The following EPB41L4A variants were observed in gnomAD, a reference collection of about 807,000 sequenced individuals.
The protein encoded by EPB41L4A is band 4.1-like protein 4A.
Under a neutral mutation model 108.6 loss-of-function variants are expected in EPB41L4A, and 100 were observed. That is an observed-to-expected ratio of 0.92 (90% CI 0.78 to 1.09). The LOEUF (loss-of-function observed/expected upper bound fraction) is 1.09. EPB41L4A is among the 50% of genes least tolerant of loss of function. The pLI, the probability that EPB41L4A is intolerant of heterozygous loss-of-function variation, is 0.00. For missense variants in EPB41L4A, 1,030 were observed against 842.7 expected (o/e 1.22, Z -2.75); for synonymous variants, 319 against 289.0 (o/e 1.10, Z -1.05).
intron 13 of EPB41L4A, among the ~76,000 whole-genome samples, chr5:112,209,418 T>C (rs1161801338): frequency 2.0e-5 from 3 of 152,256 alleles, no homozygotes; most frequent in Non-Finnish European, 4.4e-5. Context: ...CAGAGGACCA[T>C]GACAAGTCTT....
intron 1 of EPB41L4A, among the ~76,000 whole-genome samples, chr5:112,406,272 C>T (rs1348629801): frequency 6.6e-6 from 1 of 152,168 alleles, no homozygotes; most frequent in Admixed American, 6.5e-5. Context: ...TACCTTTCTG[C>T]TTTCTTCTCT....
At chr5:112,192,046 C>G (rs972892559) in intron 17 of EPB41L4A, 1 of 152,288 alleles carries the variant, frequency 6.6e-6, no homozygotes, top group Non-Finnish European at 1.5e-5. Flanking sequence ...CTGCTGAGAA[C>G]TGGCTGGATC....
intron 1 of EPB41L4A, among the ~76,000 whole-genome samples, chr5:112,370,636 C>T (rs895811700): frequency 6.6e-6 from 1 of 152,134 alleles, no homozygotes; most frequent in African/African-American, 2.4e-5. Flanking sequence ...GTAACGAGGC[C>T]GGACACGGTG....
chr5:112,232,855 G>A (rs1200741742), intron 12 of EPB41L4A, among the ~76,000 whole-genome samples: 1 of 152,176 alleles, frequency 6.6e-6, no homozygotes, highest in African/African-American at 2.4e-5. Flanking sequence ...CCACCTCACA[G>A]GGTGAGGCTC....
At chr5:112,191,164 T>G (rs977070404) in intron 17 of EPB41L4A, among the ~76,000 whole-genome samples, 2 of 151,900 alleles carry the variant, frequency 1.3e-5, no homozygotes, top group African/African-American at 4.8e-5. Context: ...ATGAGAACAG[T>G]AAAGAAAGAA....
intron 1 of EPB41L4A, among the ~76,000 whole-genome samples, chr5:112,360,416 GGC>G (rs1758645098): frequency 6.6e-6 from 1 of 152,212 alleles, no homozygotes; most frequent in Non-Finnish European, 1.5e-5. Flanking sequence ...TGGGATTGCA[GGC>G]GCGCACCGCC....
chr5:112,418,044 G>A (rs557432401), intron 1 of EPB41L4A, among the ~76,000 whole-genome samples: 21 of 150,192 alleles, frequency 1.4e-4, no homozygotes, highest in African/African-American at 5.3e-4. Flanking sequence ...CTATCAGAGC[G>A]GGGGCGGGGG....
rs1404806597 is a variant in EPB41L4A at position 112,317,876 on chromosome 5, G to A, written c.100-10386C>T. 2.6e-5 allele frequency among the ~76,000 whole-genome samples: 4 copies of A among 152,132 alleles called. No individual in the cohort carries two copies. The South Asian group carries it at 6.2e-4, about 24-fold the overall frequency. ...CCACTTAATGGTAAACAGATACAGA[G>A]ATAACCCATATGAACAAAAGTTCTT... On this transcript the variant is annotated intron_variant, in intron 1 of 22. Transcript: ENST00000261486.
At chr5:112,218,643 C>A (rs1055542912) in intron 12 of EPB41L4A, among the ~76,000 whole-genome samples, 3 of 152,168 alleles carry the variant, frequency 2.0e-5, no homozygotes, top group African/African-American at 7.2e-5. Context: ...TTATTTGATG[C>A]AATTTTAATA....
intron 18 of EPB41L4A, among the ~76,000 whole-genome samples, chr5:112,182,104 G>T (rs1410437183): frequency 2.0e-5 from 3 of 151,950 alleles, no homozygotes; most frequent in Non-Finnish European, 4.4e-5. Context: ...TGGTTGTGGG[G>T]GTGGGCACTG....
intron 2 of EPB41L4A, among the ~76,000 whole-genome samples, chr5:112,303,632 G>A (rs975167308): frequency 6.6e-6 from 1 of 152,144 alleles, no homozygotes; most frequent in African/African-American, 2.4e-5. Flanking sequence ...TTTCAAGAAT[G>A]GGCAAGTTGT....
intron 7 of EPB41L4A, among the ~76,000 whole-genome samples, chr5:112,262,046 C>T (rs1298973311): frequency 6.6e-6 from 1 of 152,062 alleles, no homozygotes; most frequent in African/African-American, 2.4e-5. Context: ...CGCCCGCCAC[C>T]ACGTCCAGCT....
intron 17 of EPB41L4A, among the ~76,000 whole-genome samples, chr5:112,194,230 T>C (rs570706127): frequency 2.0e-5 from 3 of 152,180 alleles, no homozygotes; most frequent in Admixed American, 6.5e-5. Context: ...ATTGAAAAGA[T>C]AGTTCAGGGA....
intron 1 of EPB41L4A, among the ~76,000 whole-genome samples, chr5:112,317,837 T>C (rs908493558): frequency 6.6e-6 from 1 of 152,180 alleles, no homozygotes; most frequent in African/African-American, 2.4e-5. Flanking sequence ...TTTTGGATGA[T>C]TTCAAAAATC....
intron 14 of EPB41L4A, 53 bp downstream of exon 14, chr5:112,205,368 T>G: frequency 7.0e-7 from 1 of 1,431,370 alleles, no homozygotes; most frequent in Non-Finnish European, 9.9e-7. Flanking sequence ...ATGAGCTGCA[T>G]GTACTAACCC....
intron 12 of EPB41L4A, among the ~76,000 whole-genome samples, chr5:112,226,441 T>C (rs998690189): frequency 1.3e-5 from 2 of 152,188 alleles, no homozygotes; most frequent in East Asian, 1.9e-4. Context: ...TCTGTTCCTA[T>C]TGTCTGCTTA....
intron 12 of EPB41L4A, among the ~76,000 whole-genome samples, chr5:112,210,794 G>A (rs1223131160): frequency 1.3e-5 from 2 of 152,048 alleles, no homozygotes; most frequent in Non-Finnish European, 2.9e-5. Context: ...GGAGGAGGCA[G>A]TTTAGATGAT....
At position 112,220,753 on chromosome 5, in the gene EPB41L4A, G is replaced by T. The variant is rs538076350; in HGVS notation, c.1088-10771C>A. Among the ~76,000 whole-genome samples the T allele has an allele frequency of 2.0e-5, 3 of 152,192 alleles. No individual in the cohort carries two copies. In the East Asian group the frequency reaches 5.8e-4, roughly 29 times the overall value. ...CCTCTGTCATTTTCTCCTGAAACAG[G>T]TCTAAAACCTAGAAGGTAACTCTCT... is the stretch of plus-strand genomic sequence containing the variant. On this transcript the variant is annotated intron_variant, in intron 12 of 22. Coordinates refer to ENST00000261486, the MANE Select transcript of EPB41L4A (RefSeq NM_022140.5).
At chr5:112,296,380 A>G (rs187886956) in intron 2 of EPB41L4A, among the ~76,000 whole-genome samples, 18 of 152,290 alleles carry the variant, frequency 1.2e-4, no homozygotes, top group East Asian at 5.8e-4. Flanking sequence ...TTGAATTACT[A>G]TAATAATCAA....
Sources: gnomAD v4.1 joint callset for allele counts (sites outside exome capture counted in the v4.1 genomes callset) on GRCh38, gnomAD v4.1.1 for gene constraint, MANE v1.5 for transcripts, NCBI Gene and HGNC (gene_info 2026-07-23, HGNC 2026-07-21) for gene names.